The following ELMO1 variants were observed in gnomAD, a reference collection of about 807,000 sequenced individuals.
The protein encoded by ELMO1 is engulfment and cell motility protein 1.
ELMO1 carries 26 observed loss-of-function variants against 98.9 expected under a neutral mutation model. The observed-to-expected ratio is 0.26, with a 90% CI of 0.19 to 0.36. The LOEUF is 0.36. Ranked by LOEUF, ELMO1 falls within the 10% of genes least tolerant of loss-of-function variation. The probability of loss-of-function intolerance (pLI) is 1.00; values close to 1 mark genes in which losing one functional copy is unlikely to be tolerated. For missense variants in ELMO1, 627 were observed against 935.2 expected (o/e 0.67, Z 4.30); for synonymous variants, 346 against 346.0 (o/e 1.00, Z 0.00).
At chr7:36,885,686 A>G (rs1351464369) in intron 18 of ELMO1, among the ~76,000 whole-genome samples, 6 of 152,190 alleles carry the variant, frequency 3.9e-5, no homozygotes, top group Non-Finnish European at 1.5e-5. Flanking sequence ...TGACTAAATG[A>G]GCTCCTGGAT....
Position 36,986,392 on chromosome 7 carries a change from C to T in ELMO1, c.1437+26907G>A, listed in dbSNP as rs182827182. 4.4e-4 allele frequency: 149 copies of T among 338,412 alleles called. 1 individual carries two copies. The East Asian group carries it at 0.018, about 40-fold the overall frequency. 21.0% of individuals were successfully genotyped at this position (338,412 alleles called of 1,614,324 possible). On this transcript the variant is annotated intron_variant, in intron 16 of 21. Transcript: ENST00000310758. ...CTTTTGTCAATAAACCCATAGCTCC[C>T]CGTCTTGGTACTTCTCAATATATCC...
At chr7:37,136,491 A>G (rs192606388) in intron 13 of ELMO1, among the ~76,000 whole-genome samples, 42 of 152,356 alleles carry the variant, frequency 2.8e-4, no homozygotes, top group Non-Finnish European at 5.6e-4. Context: ...CAGGTAACCT[A>G]TAACGGAAAA....
chr7:37,129,872 G>C (rs1290912292), intron 14 of ELMO1, among the ~76,000 whole-genome samples: 1 of 152,180 alleles, frequency 6.6e-6, no homozygotes, highest in East Asian at 1.9e-4. Context: ...CCCCACTGAA[G>C]TAGCACATTT....
chr7:37,222,201 T>C (rs1016306189), intron 10 of ELMO1, among the ~76,000 whole-genome samples: 1 of 152,138 alleles, frequency 6.6e-6, no homozygotes, highest in Non-Finnish European at 1.5e-5. Flanking sequence ...CCCCTCAGGG[T>C]CTGTTTCCTG....
chr7:37,049,267 C>A (rs1397837892), intron 15 of ELMO1, among the ~76,000 whole-genome samples: 2 of 152,090 alleles, frequency 1.3e-5, no homozygotes, highest in Non-Finnish European at 2.9e-5. Context: ...CGCTTTGGGA[C>A]TCCCCAGGCC....
At chr7:37,373,049 A>G (rs1802179493) in intron 1 of ELMO1, among the ~76,000 whole-genome samples, 1 of 152,214 alleles carries the variant, frequency 6.6e-6, no homozygotes, top group South Asian at 2.1e-4. Context: ...GAAACATCAC[A>G]CAGGCAGGTA....
intron 5 of ELMO1, chr7:37,271,446 G>A (rs549349825): frequency 1.3e-4 from 25 of 199,032 alleles, no homozygotes; most frequent in Admixed American, 1.2e-3. Context: ...AAGCAGAAGT[G>A]TCCAATCTTT....
At chr7:37,008,538 A>G (rs572384341) in intron 16 of ELMO1, among the ~76,000 whole-genome samples, 2 of 152,006 alleles carry the variant, frequency 1.3e-5, no homozygotes, top group South Asian at 4.1e-4. Context: ...CAATTTACTC[A>G]TTTTTCATAG....
At chr7:36,938,371 C>T (rs573434138) in intron 16 of ELMO1, among the ~76,000 whole-genome samples, 1 of 152,274 alleles carries the variant, frequency 6.6e-6, no homozygotes, top group Admixed American at 6.5e-5. Context: ...GGGTCAACCA[C>T]AGAAAACTGG....
intron 14 of ELMO1, among the ~76,000 whole-genome samples, chr7:37,106,392 C>T (rs895797606): frequency 2.0e-5 from 3 of 152,212 alleles, no homozygotes; most frequent in African/African-American, 7.2e-5. Context: ...CCCTCTGTCC[C>T]TTCTACCATG....
intron 15 of ELMO1, among the ~76,000 whole-genome samples, chr7:37,039,883 C>T (rs183907996): frequency 7.9e-5 from 12 of 152,234 alleles, no homozygotes; most frequent in Non-Finnish European, 4.4e-5. Flanking sequence ...TTAAAAAGTG[C>T]AAAGATGTAA....
At chr7:36,919,948 A>T (rs1785014725) in intron 16 of ELMO1, among the ~76,000 whole-genome samples, 1 of 152,214 alleles carries the variant, frequency 6.6e-6, no homozygotes, top group Admixed American at 6.5e-5. Context: ...GGAACGCCCT[A>T]TGAGATGCCA....
intron 15 of ELMO1, among the ~76,000 whole-genome samples, chr7:37,081,249 A>G (rs1490724433): frequency 6.6e-6 from 1 of 152,224 alleles, no homozygotes; most frequent in East Asian, 1.9e-4. Context: ...ATTTATATCC[A>G]TATCCACAAA....
chr7:37,104,448 T>C (rs1221503214), intron 14 of ELMO1, among the ~76,000 whole-genome samples: 1 of 152,122 alleles, frequency 6.6e-6, no homozygotes, highest in Non-Finnish European at 1.5e-5. Flanking sequence ...AATAAGTCAG[T>C]AAACCAAGTC....
chr7:37,267,046 CACACA>C (rs1796300541), intron 5 of ELMO1, among the ~76,000 whole-genome samples: 1 of 65,222 alleles, frequency 1.5e-5, no homozygotes, highest in Non-Finnish European at 3.2e-5. Flanking sequence ...TATACACACA[CACACA>C]CACACACACA....
intron 1 of ELMO1, among the ~76,000 whole-genome samples, chr7:37,390,109 A>G (rs1371901573): frequency 3.9e-5 from 6 of 152,228 alleles, no homozygotes; most frequent in Admixed American, 3.9e-4. Flanking sequence ...GCAAGTTGTA[A>G]AACTGCACCA....
At chr7:37,400,237 T>C (rs1051420902) in intron 1 of ELMO1, among the ~76,000 whole-genome samples, 1 of 152,192 alleles carries the variant, frequency 6.6e-6, no homozygotes, top group Non-Finnish European at 1.5e-5. Context: ...GCAGGGCTCA[T>C]TTATTTAAAT....
chr7:36,929,142 T>C lies in ELMO1; in HGVS notation c.1438-34125A>G, dbSNP rs529542899. ...GCCCCATACTCTCTAGTACTGCCTC[T>C]AATGGGGTAAGCTTGGTCTAGGCAG... On this transcript the variant is annotated intron_variant, in intron 16 of 21. Coordinates refer to ENST00000310758, the MANE Select transcript of ELMO1 (RefSeq NM_014800.11). Among the ~76,000 whole-genome samples, 8 of 152,330 alleles carry C rather than the reference T, an allele frequency of 5.3e-5. No homozygotes were observed. In the South Asian group the frequency reaches 1.7e-3, roughly 32 times the overall value.
chr7:36,859,591 T>C (rs550646179), intron 21 of ELMO1, among the ~76,000 whole-genome samples: 43 of 152,266 alleles, frequency 2.8e-4, no homozygotes, highest in African/African-American at 1.0e-3. Context: ...GGAGCAAGAC[T>C]GCCAGTGTTT....
Sources: gnomAD v4.1 joint callset for allele counts (sites outside exome capture counted in the v4.1 genomes callset) on GRCh38, gnomAD v4.1.1 for gene constraint, MANE v1.5 for transcripts, NCBI Gene and HGNC (gene_info 2026-07-23, HGNC 2026-07-21) for gene names.